The following USP24 variants were observed in gnomAD, a reference collection of about 807,000 sequenced individuals.
USP24 encodes the protein ubiquitin specific peptidase 24, also known as ubiquitin carboxyl-terminal hydrolase 24.
Under a neutral mutation model 361.6 loss-of-function variants are expected in USP24, and 97 were observed. The ratio of observed to expected loss-of-function variants is 0.27; its 90% confidence interval spans 0.23 to 0.32. The LOEUF (loss-of-function observed/expected upper bound fraction) is 0.32. Among genes scored for constraint, USP24 ranks in the 10% least tolerant of loss-of-function variants. USP24 has a pLI of 1.00. For synonymous variants in USP24, 1,098 were observed against 1,124.6 expected, an observed-to-expected ratio of 0.98 and a Z score of 0.47; for missense variants, 2,353 against 3,165.6, an observed-to-expected ratio of 0.74 and a Z score of 6.16.
intron 7 of USP24, among the ~76,000 whole-genome samples, chr1:55,165,074 C>G (rs1435072634): frequency 1.3e-5 from 2 of 152,052 alleles, no homozygotes; most frequent in East Asian, 1.9e-4. Flanking sequence ...ATCAGTCTCT[C>G]TCCTTGAGCA....
At chr1:55,150,997 T>TA (rs1225731603) in intron 16 of USP24, among the ~76,000 whole-genome samples, 3 of 152,184 alleles carry the variant, frequency 2.0e-5, no homozygotes, top group Non-Finnish European at 4.4e-5. Context: ...ATTCATTTTT[T>TA]ATACAATGAC....
intron 7 of USP24, among the ~76,000 whole-genome samples, chr1:55,165,634 G>A (rs1253281783): frequency 6.6e-6 from 1 of 151,982 alleles, no homozygotes; most frequent in Non-Finnish European, 1.5e-5. Context: ...ATAATTTCAT[G>A]TAACCATTAC....
At chr1:55,149,167 T>C (rs1272475183) in intron 16 of USP24, among the ~76,000 whole-genome samples, 1 of 152,222 alleles carries the variant, frequency 6.6e-6, no homozygotes, top group Non-Finnish European at 1.5e-5. Context: ...CTTCCAAATA[T>C]ATTATTTCTG....
At chr1:55,146,837 A>T (rs755826857) in intron 19 of USP24, 92 bp downstream of exon 19, 26 of 1,501,228 alleles carry the variant, frequency 1.7e-5, no homozygotes, top group Non-Finnish European at 1.9e-5. Flanking sequence ...GCTTATATAA[A>T]CTGAAAAGTG....
intron 3 of USP24, among the ~76,000 whole-genome samples, chr1:55,173,445 T>C (rs1228375705): frequency 6.6e-6 from 1 of 152,224 alleles, no homozygotes; most frequent in African/African-American, 2.4e-5. Flanking sequence ...CTCAGTCTTC[T>C]GGTCTTTGGG....
At chr1:55,210,214 A>T (rs1014880792) in intron 1 of USP24, among the ~76,000 whole-genome samples, 1 of 152,236 alleles carries the variant, frequency 6.6e-6, no homozygotes, top group East Asian at 1.9e-4. Context: ...ATTAACTCAC[A>T]GACCTAATTC....
At chr1:55,113,973 C>T (rs181347102) in intron 38 of USP24, among the ~76,000 whole-genome samples, 1 of 152,314 alleles carries the variant, frequency 6.6e-6, no homozygotes, top group African/African-American at 2.4e-5. Context: ...GTCAAACTGT[C>T]TCTGTTTGCA....
intron 3 of USP24, among the ~76,000 whole-genome samples, chr1:55,172,903 T>C (rs1487519198): frequency 6.6e-6 from 1 of 152,204 alleles, no homozygotes; most frequent in Non-Finnish European, 1.5e-5. Flanking sequence ...TCTCAACGGC[T>C]CAGTTCTCTT....
intron 36 of USP24, 125 bp downstream of exon 36, chr1:55,123,322 T>A (rs1350133884): frequency 7.1e-6 from 8 of 1,133,260 alleles, no homozygotes; most frequent in Admixed American, 3.1e-5. Flanking sequence ...CTACGCCACA[T>A]GCCAACTTCC....
At position 55,110,303 on chromosome 1, in the gene USP24, A is replaced by G; in HGVS notation, c.4509-57T>C. The G allele has an allele frequency of 3.6e-6, 5 of 1,400,590 alleles. No homozygotes were observed. In the South Asian group the frequency reaches 5.9e-5, roughly 16 times the overall value. The allele number at this position is 1,400,590 out of a possible 1,614,324, so 86.8% of individuals were successfully genotyped here. ...AGAGGCTGATTTGAAAATAAAAAGC[A>G]TTTTCCTTGTAAGAACAAATTCATA... On this transcript the variant is annotated intron_variant, in intron 38 of 67. Coordinates refer to ENST00000294383, the MANE Select transcript of USP24 (RefSeq NM_015306.3).
In USP24 at chr1:55,068,317, A is replaced by G. The variant is rs1306535893; in HGVS notation, c.*728T>C. On this transcript the variant is annotated 3_prime_UTR_variant, in exon 68 of 68. Coordinates refer to ENST00000294383, the MANE Select transcript of USP24 (RefSeq NM_015306.3). ...ATTGATGTCAAATAATGCACCCTGT[A>G]CTTCTGGAGAACACAGCATTTTCAA... The G allele has an allele frequency of 6.6e-6, 1 of 152,244 alleles. No homozygotes were observed. The highest frequency in any genetic ancestry group is 1.5e-5 in the Non-Finnish European group (1 of 68,040). 9.4% of individuals were successfully genotyped at this position (152,244 alleles called of 1,614,324 possible). A position where few individuals can be genotyped will look rare whatever the true frequency, so the allele number is the denominator to read the frequency against.
chr1:55,122,372 G>C lies in USP24; in HGVS notation c.4277-866C>G, dbSNP rs183425391. On this transcript the variant is annotated intron_variant, in intron 36 of 67. Transcript: ENST00000294383. Reference sequence around the variant, plus strand: ...GGTGGCCGAAGCACAGTGAGTAAAGGGAAGAGTAGAAGCAAAGGCACAGGA... The same window carrying C: ...GGTGGCCGAAGCACAGTGAGTAAAGCGAAGAGTAGAAGCAAAGGCACAGGA... Among the ~76,000 whole-genome samples the C allele has an allele frequency of 2.4e-4, 36 of 152,260 alleles. No homozygotes were observed. In the East Asian group the frequency reaches 6.6e-3, roughly 28 times the overall value.
At chr1:55,160,368 T>G (rs1365505190) in intron 8 of USP24, among the ~76,000 whole-genome samples, 2 of 152,226 alleles carry the variant, frequency 1.3e-5, no homozygotes, top group African/African-American at 4.8e-5. Context: ...TAATGCCAAT[T>G]GTATAGGAAG....
rs76941514 is a variant in USP24 at position 55,144,065 on chromosome 1, T to G, written c.2439+62A>C. ...CTCTCAATTATAACACTTTTTTTTTTGCTGAATATCAAGTTATACTAGATT... is the reference window on the plus strand; with the variant it reads ...CTCTCAATTATAACACTTTTTTTTTGGCTGAATATCAAGTTATACTAGATT... On this transcript the variant is annotated intron_variant, in intron 21 of 67. Coordinates refer to ENST00000294383, the MANE Select transcript of USP24 (RefSeq NM_015306.3). The G allele has an allele frequency of 3.7e-6, 5 of 1,336,122 alleles. No homozygotes were observed. The Admixed American group carries it at 8.4e-5, about 23-fold the overall frequency. 82.8% of individuals were successfully genotyped at this position (1,336,122 alleles called of 1,614,324 possible).
intron 51 of USP24, among the ~76,000 whole-genome samples, chr1:55,094,442 A>G (rs1645449478): frequency 6.6e-6 from 1 of 152,208 alleles, no homozygotes; most frequent in Non-Finnish European, 1.5e-5. Flanking sequence ...CCATTAAAAA[A>G]GCAGTGAAAT....
chr1:55,067,135 C>A lies in USP24; in HGVS notation c.*1910G>T, dbSNP rs1644838042. 6.6e-6 allele frequency: 1 copy of A among 152,130 alleles called. No individual in the cohort carries two copies. The highest frequency in any genetic ancestry group is 1.5e-5 in the Non-Finnish European group (1 of 68,032). 9.4% of individuals were successfully genotyped at this position (152,130 alleles called of 1,614,324 possible). ...GTTGTTTCCATAGGAAATAAGGGGA[C>A]TAGAAGTGGCAATTTCACTCCTGAT... On this transcript the variant is annotated 3_prime_UTR_variant, in exon 68 of 68. Transcript: ENST00000294383.
chr1:55,214,763 CAG>C, intron 1 of USP24, 25 bp downstream of exon 1: 1 of 1,213,528 alleles, frequency 8.2e-7, no homozygotes, highest in Middle Eastern at 2.2e-4. Flanking sequence ...TGGCTTCCCA[CAG>C]AGGTCTGGGG....
intron 12 of USP24, 83 bp downstream of exon 12, chr1:55,156,865 T>C: frequency 1.0e-6 from 1 of 956,640 alleles, no homozygotes; most frequent in Non-Finnish European, 1.6e-6. Context: ...AAGTTTCCGT[T>C]TTCCTGCTCT....
intron 24 of USP24, among the ~76,000 whole-genome samples, chr1:55,139,281 C>T (rs1209043258): frequency 6.6e-6 from 1 of 152,112 alleles, no homozygotes; most frequent in Admixed American, 6.6e-5. Context: ...ACAGTTATTC[C>T]ATAAATGGAG....
Sources: gnomAD v4.1 joint callset for allele counts (sites outside exome capture counted in the v4.1 genomes callset) on GRCh38, gnomAD v4.1.1 for gene constraint, MANE v1.5 for transcripts, NCBI Gene and HGNC (gene_info 2026-07-23, HGNC 2026-07-21) for gene names.